The following GRIN2A variants were observed in gnomAD, a reference collection of about 807,000 sequenced individuals.
GRIN2A encodes the protein glutamate ionotropic receptor NMDA type subunit 2A.
In GRIN2A, 22 loss-of-function variants were observed where a neutral mutation model predicts 113.4. The ratio of observed to expected loss-of-function variants is 0.19; its 90% CI spans 0.14 to 0.28. The LOEUF is 0.28. GRIN2A is among the 10% of genes least tolerant of loss of function. The pLI is 1.00. For synonymous variants in GRIN2A, 827 were observed against 738.4 expected (o/e 1.12, Z -1.94); for missense variants, 1,502 against 1,887.0 (o/e 0.80, Z 3.78).
At position 10,044,423 on chromosome 16, in the gene GRIN2A, C is replaced by T. The variant is rs147633159; in HGVS notation, c.415-105872G>A. Among the ~76,000 whole-genome samples, 158 of 151,672 alleles carry T rather than the reference C, an allele frequency of 1.0e-3. 1 individual carries two copies. Among genetic ancestry groups the T allele is most frequent in the African/African-American group, 3.7e-3 (153 of 41,328 alleles). ...GCACAGAAAAGTTTGACTTGCCTGCCCTCCTTTATGCTTTTTCTTTCCTCT... is the reference window on the plus strand; with the variant it reads ...GCACAGAAAAGTTTGACTTGCCTGCTCTCCTTTATGCTTTTTCTTTCCTCT... On this transcript the variant is annotated intron_variant, in intron 2 of 12. Transcript: ENST00000330684.
intron 3 of GRIN2A, among the ~76,000 whole-genome samples, chr16:9,909,425 C>T (rs2044090639): frequency 6.6e-6 from 1 of 152,200 alleles, no homozygotes; most frequent in Non-Finnish European, 1.5e-5. Context: ...AGCACAATGG[C>T]AATATATCTG....
chr16:10,108,496 C>T lies in GRIN2A; in HGVS notation c.414+71502G>A, dbSNP rs559781926. 2.0e-5 allele frequency among the ~76,000 whole-genome samples: 3 copies of T among 152,322 alleles called. No individual in the cohort carries two copies. The South Asian group carries it at 6.2e-4, about 32-fold the overall frequency. ...AGAAGTAATTGCCTCAAGAATCACA[C>T]AGCTGACAGGTAACAGAGCCAGAAC... On this transcript the variant is annotated intron_variant, in intron 2 of 12. Coordinates refer to ENST00000330684, the MANE Select transcript of GRIN2A (RefSeq NM_001134407.3).
intron 11 of GRIN2A, among the ~76,000 whole-genome samples, chr16:9,797,891 C>T (rs1161553014): frequency 6.6e-6 from 1 of 152,142 alleles, no homozygotes; most frequent in Non-Finnish European, 1.5e-5. Flanking sequence ...GAATGTGTCT[C>T]CAGGCATTGC....
intron 11 of GRIN2A, among the ~76,000 whole-genome samples, chr16:9,785,222 A>C (rs1453573148): frequency 3.3e-5 from 5 of 152,174 alleles, no homozygotes; most frequent in Non-Finnish European, 5.9e-5. Context: ...GGATTAAGAA[A>C]ATGTGGCACA....
intron 2 of GRIN2A, among the ~76,000 whole-genome samples, chr16:10,159,086 T>A (rs1247305343): frequency 1.3e-5 from 2 of 152,108 alleles, no homozygotes; most frequent in African/African-American, 4.8e-5. Flanking sequence ...CTACCAGCAG[T>A]GTCACCAAAA....
intron 2 of GRIN2A, among the ~76,000 whole-genome samples, chr16:9,983,526 G>A (rs1182758003): frequency 2.0e-5 from 3 of 148,724 alleles, no homozygotes; most frequent in Non-Finnish European, 3.0e-5. Flanking sequence ...TGCAAGCTTC[G>A]CCTCCCGGGT....
At chr16:9,932,557 T>C (rs775736127) in intron 3 of GRIN2A, among the ~76,000 whole-genome samples, 24 of 151,780 alleles carry the variant, frequency 1.6e-4, no homozygotes, top group Non-Finnish European at 3.1e-4. Context: ...TGTATTTTTT[T>C]TTTTTAGTAG....
At chr16:9,796,766 C>G (rs1347752447) in intron 11 of GRIN2A, among the ~76,000 whole-genome samples, 1 of 152,176 alleles carries the variant, frequency 6.6e-6, no homozygotes, top group African/African-American at 2.4e-5. Context: ...GGCACTATCC[C>G]CACCCCAGGC....
intron 2 of GRIN2A, among the ~76,000 whole-genome samples, chr16:10,137,378 T>C (rs182030193): frequency 3.3e-5 from 5 of 152,254 alleles, no homozygotes; most frequent in African/African-American, 9.6e-5. Flanking sequence ...TCTTGCCCCC[T>C]ACACATGCTG....
At chr16:9,809,033 A>G (rs2042035504) in intron 10 of GRIN2A, among the ~76,000 whole-genome samples, 1 of 152,172 alleles carries the variant, frequency 6.6e-6, no homozygotes, top group African/African-American at 2.4e-5. Flanking sequence ...TCCAAAACAT[A>G]TCGTTCACTG....
At chr16:9,924,798 C>T (rs578202552) in intron 3 of GRIN2A, among the ~76,000 whole-genome samples, 48 of 152,156 alleles carry the variant, frequency 3.2e-4, no homozygotes, top group Admixed American at 1.3e-3. Flanking sequence ...GTCAAACCTG[C>T]CATTAATCCA....
intron 4 of GRIN2A, among the ~76,000 whole-genome samples, chr16:9,854,225 C>G (rs1368379706): frequency 6.6e-6 from 1 of 151,986 alleles, no homozygotes; most frequent in Non-Finnish European, 1.5e-5. Flanking sequence ...ATCTTGTACC[C>G]TAGGCAAAAT....
intron 10 of GRIN2A, among the ~76,000 whole-genome samples, chr16:9,801,154 A>C (rs752515154): frequency 1.3e-5 from 2 of 152,206 alleles, no homozygotes; most frequent in Non-Finnish European, 2.9e-5. Context: ...GTGGCTATCC[A>C]TAGGGAAATT....
At chr16:10,115,419 T>G (rs1196376695) in intron 2 of GRIN2A, among the ~76,000 whole-genome samples, 2 of 152,230 alleles carry the variant, frequency 1.3e-5, no homozygotes, top group Non-Finnish European at 2.9e-5. Flanking sequence ...GAAGCTCTCC[T>G]TGTTGACCCC....
intron 10 of GRIN2A, among the ~76,000 whole-genome samples, chr16:9,804,585 G>C (rs1357915696): frequency 6.6e-6 from 1 of 152,052 alleles, no homozygotes; most frequent in Non-Finnish European, 1.5e-5. Context: ...GATGAGGACA[G>C]AGACACCATC....
At chr16:9,835,236 T>C (rs749449473) in intron 7 of GRIN2A, among the ~76,000 whole-genome samples, 13 of 152,130 alleles carry the variant, frequency 8.5e-5, no homozygotes, top group Non-Finnish European at 1.8e-4. Context: ...GATAATTCAA[T>C]AAAAAAGCAT....
At position 10,056,737 on chromosome 16, in the gene GRIN2A, C is replaced by T. The variant is rs77104969; in HGVS notation, c.415-118186G>A. On this transcript the variant is annotated intron_variant, in intron 2 of 12. Coordinates refer to ENST00000330684, the MANE Select transcript of GRIN2A (RefSeq NM_001134407.3). Reference sequence around the variant, plus strand: ...AATGATGTACCTACAAGCCAAAGAACGCCAAGGGTTGATGGCAACCACCAG... The same window carrying T: ...AATGATGTACCTACAAGCCAAAGAATGCCAAGGGTTGATGGCAACCACCAG... Among the ~76,000 whole-genome samples the T allele has an allele frequency of 5.4e-3, 820 of 152,200 alleles. 5 individuals carry two copies. The highest frequency in any genetic ancestry group is 0.019 in the African/African-American group (779 of 41,532).
At chr16:9,937,300 G>C (rs1210096805) in intron 3 of GRIN2A, among the ~76,000 whole-genome samples, 2 of 151,962 alleles carry the variant, frequency 1.3e-5, no homozygotes, top group African/African-American at 4.8e-5. Flanking sequence ...CTATACGATA[G>C]CATAATAGGG....
At chr16:10,071,289 T>C (rs17570290) in intron 2 of GRIN2A, among the ~76,000 whole-genome samples, 1 of 152,144 alleles carries the variant, frequency 6.6e-6, no homozygotes, top group Admixed American at 6.5e-5. Flanking sequence ...TGTAGGAAGC[T>C]TATTGGTTCT....
Sources: gnomAD v4.1 joint callset for allele counts (sites outside exome capture counted in the v4.1 genomes callset) on GRCh38, gnomAD v4.1.1 for gene constraint, MANE v1.5 for transcripts, NCBI Gene and HGNC (gene_info 2026-07-23, HGNC 2026-07-21) for gene names.